MRPS27: variants seen among roughly 807,000 people sequenced by gnomAD.
MRPS27 encodes mitochondrial ribosomal protein S27.
In MRPS27, 43 loss-of-function variants were observed where a neutral mutation model predicts 48.9. The ratio of observed to expected loss-of-function variants is 0.88; its 90% CI spans 0.69 to 1.13. The LOEUF is 1.13. Ranked by LOEUF, MRPS27 falls within the 50% of genes most tolerant of loss-of-function variation. The pLI, the probability that MRPS27 is intolerant of heterozygous loss-of-function variation, is 0.00. For missense variants in MRPS27, 467 were observed against 476.3 expected (o/e 0.98, Z 0.18); for synonymous variants, 188 against 171.9 (o/e 1.09, Z -0.73).
At chr5:72,272,385 G>A (rs141820483) in intron 4 of MRPS27, among the ~76,000 whole-genome samples, 45 of 152,304 alleles carry the variant, frequency 3.0e-4, no homozygotes, top group African/African-American at 1.1e-3. Context: ...GAATAATGTG[G>A]TTTATGCTGA....
intron 4 of MRPS27, among the ~76,000 whole-genome samples, chr5:72,248,033 T>C (rs576448211): frequency 4.6e-5 from 7 of 152,354 alleles, no homozygotes; most frequent in African/African-American, 7.2e-5. Flanking sequence ...AAACCCTTAG[T>C]TGTTTACATG....
At chr5:72,265,635 A>G (rs1229636331) in intron 4 of MRPS27, among the ~76,000 whole-genome samples, 1 of 152,246 alleles carries the variant, frequency 6.6e-6, no homozygotes, top group Non-Finnish European at 1.5e-5. Context: ...CTTCTAAGCC[A>G]GTAAATGATA....
At chr5:72,254,839 C>T (rs1748755203) in intron 4 of MRPS27, among the ~76,000 whole-genome samples, 1 of 152,012 alleles carries the variant, frequency 6.6e-6, no homozygotes, top group Non-Finnish European at 1.5e-5. Flanking sequence ...GAATTCAGGT[C>T]ATTCAAGAAT....
rs139298317 is a variant in MRPS27, at chr5:72,250,798, C to G, written c.282-12670G>C. On this transcript the variant is annotated intron_variant, in intron 4 of 10. Coordinates refer to ENST00000261413, the MANE Select transcript of MRPS27 (RefSeq NM_015084.3). Reference sequence around the variant, plus strand: ...ATATATTTTTAAAGACAAGGTCTCACTCTGTCACCCAGGCTGGAGTGCAGT... The same window carrying G: ...ATATATTTTTAAAGACAAGGTCTCAGTCTGTCACCCAGGCTGGAGTGCAGT... Among the ~76,000 whole-genome samples, 568 of 152,302 alleles carry G rather than the reference C, an allele frequency of 3.7e-3. 2 individuals are homozygous for G. The highest frequency in any genetic ancestry group is 0.013 in the African/African-American group (552 of 41,562).
At chr5:72,232,670 A>C (rs1748095472) in intron 6 of MRPS27, 112 bp from the exon 7 acceptor site, 4 of 704,644 alleles carry the variant, frequency 5.7e-6, no homozygotes, top group Non-Finnish European at 9.3e-6. Flanking sequence ...AAAAAAATGC[A>C]GAATTAAGAA....
chr5:72,230,235 T>C (rs1334695433), intron 7 of MRPS27, among the ~76,000 whole-genome samples: 4 of 152,188 alleles, frequency 2.6e-5, no homozygotes, highest in Non-Finnish European at 1.5e-5. Context: ...AATGGACTAA[T>C]TCAGGTGTGG....
At chr5:72,253,845 C>T (rs986768541) in intron 4 of MRPS27, among the ~76,000 whole-genome samples, 1 of 152,170 alleles carries the variant, frequency 6.6e-6, no homozygotes, top group Non-Finnish European at 1.5e-5. Context: ...CTCAGGATTA[C>T]ACTGAGTAGT....
At chr5:72,278,153 T>G (rs1749427175) in intron 4 of MRPS27, among the ~76,000 whole-genome samples, 1 of 152,028 alleles carries the variant, frequency 6.6e-6, no homozygotes, top group Non-Finnish European at 1.5e-5. Context: ...CATCAAATTT[T>G]AAAATCTGGC....
intron 4 of MRPS27, among the ~76,000 whole-genome samples, chr5:72,271,289 A>G (rs542762109): frequency 1.3e-5 from 2 of 152,236 alleles, no homozygotes; most frequent in African/African-American, 2.4e-5. Flanking sequence ...TCAAGCTCTC[A>G]GAATCTGGGT....
At chr5:72,244,035 A>T (rs1165179455) in intron 4 of MRPS27, among the ~76,000 whole-genome samples, 4 of 152,202 alleles carry the variant, frequency 2.6e-5, no homozygotes, top group Non-Finnish European at 5.9e-5. Flanking sequence ...AGCAAATAAG[A>T]TAATAAAACC....
At chr5:72,242,501 T>G (rs1302018241) in intron 4 of MRPS27, among the ~76,000 whole-genome samples, 1 of 149,390 alleles carries the variant, frequency 6.7e-6, no homozygotes, top group Non-Finnish European at 1.5e-5. Context: ...AAAAGTCGCA[T>G]GGGATTTCTT....
chr5:72,241,581 T>G (rs1274800721), intron 4 of MRPS27: 2 of 1,428,162 alleles, frequency 1.4e-6, no homozygotes, highest in Non-Finnish European at 1.9e-6. Context: ...GACAAATAAA[T>G]GTGGGGACTT....
In MRPS27 at chr5:72,278,653, T is replaced by C. The variant is rs987469063; in HGVS notation, c.281+16878A>G. Among the ~76,000 whole-genome samples the C allele has an allele frequency of 5.3e-5, 8 of 152,316 alleles. No homozygotes were observed. In the South Asian group the frequency reaches 1.2e-3, roughly 24 times the overall value. ...TTTTTATACCCTTCACTTTATAACATGTATCCATGTAAGTGATGATATTGC... is the reference window on the plus strand; with the variant it reads ...TTTTTATACCCTTCACTTTATAACACGTATCCATGTAAGTGATGATATTGC... On this transcript the variant is annotated intron_variant, in intron 4 of 10. Coordinates refer to ENST00000261413, the MANE Select transcript of MRPS27 (RefSeq NM_015084.3).
chr5:72,256,560 C>G (rs1205933875), intron 4 of MRPS27, among the ~76,000 whole-genome samples: 2 of 152,176 alleles, frequency 1.3e-5, no homozygotes, highest in African/African-American at 4.8e-5. Flanking sequence ...TTAACTGAGT[C>G]TTAATGTATT....
chr5:72,259,959 GT>G (rs144161995), intron 4 of MRPS27, among the ~76,000 whole-genome samples: 9,704 of 152,100 alleles, frequency 0.064, 555 homozygotes, highest in African/African-American at 0.15. Context: ...GATGGACATC[GT>G]TCATAGTGCT....
chr5:72,230,964 T>C (rs931107211), intron 7 of MRPS27, among the ~76,000 whole-genome samples: 4 of 152,142 alleles, frequency 2.6e-5, no homozygotes, highest in African/African-American at 9.7e-5. Flanking sequence ...TATCCCTTGC[T>C]GAGATTCATG....
At chr5:72,260,291 A>C (rs1445921435) in intron 4 of MRPS27, among the ~76,000 whole-genome samples, 1 of 152,222 alleles carries the variant, frequency 6.6e-6, no homozygotes, top group African/African-American at 2.4e-5. Context: ...AGATGACTTC[A>C]CTTTTTAAAT....
intron 4 of MRPS27, among the ~76,000 whole-genome samples, chr5:72,259,323 C>T (rs1018324584): frequency 2.6e-5 from 4 of 151,922 alleles, no homozygotes; most frequent in African/African-American, 4.8e-5. Flanking sequence ...ACAAAATTAG[C>T]CAAGCATGGT....
intron 4 of MRPS27, among the ~76,000 whole-genome samples, chr5:72,281,164 C>T (rs1580095077): frequency 6.6e-6 from 1 of 152,280 alleles, no homozygotes; most frequent in East Asian, 1.9e-4. Flanking sequence ...AATAAATACT[C>T]CTTGCTTCTC....
Sources: gnomAD v4.1 joint callset for allele counts (sites outside exome capture counted in the v4.1 genomes callset) on GRCh38, gnomAD v4.1.1 for gene constraint, MANE v1.5 for transcripts, NCBI Gene and HGNC (gene_info 2026-07-23, HGNC 2026-07-21) for gene names.